Variants in TFDP2 observed in about 807,000 individuals in gnomAD.
TFDP2 encodes the protein transcription factor Dp-2 (E2F dimerization partner 2).
TFDP2 carries 17 observed loss-of-function variants against 59.3 expected under a neutral mutation model. That is an observed-to-expected ratio of 0.29 (90% CI 0.20 to 0.43). The LOEUF is 0.43. Ranked by LOEUF, TFDP2 falls within the 20% of genes least tolerant of loss-of-function variation. The pLI, the probability that TFDP2 is intolerant of heterozygous loss-of-function variation, is 1.00. For synonymous variants in TFDP2, 180 were observed against 194.7 expected (o/e 0.92, Z 0.63); for missense variants, 391 against 528.8 (o/e 0.74, Z 2.56).
In TFDP2 at chr3:141,952,540, A is replaced by C. The variant is rs1936039177; in HGVS notation, c.1314T>G (p.Asp438Glu). ...CSFNDEDEED[D>E]EEDSSSPE ...ATTCTGGGGAGGAGGAATCCTCCTC[A>C]TCATCTTCCTCATCTTCATCATTGA... is the stretch of plus-strand genomic sequence containing the variant. The change falls in exon 13 of 13, where the codon GAT (aspartate) becomes GAG (glutamate). Residue 438 changes from aspartate (D) to glutamate (E), a missense_variant. Physicochemically the swap from Asp to Glu is conservative, Grantham distance 45. This residue lies in a region of TFDP2 where 223 missense variants were observed against 292.5 expected (regional missense o/e 0.76). Coordinates refer to ENST00000489671, the MANE Select transcript of TFDP2 (RefSeq NM_001178139.2). 1.9e-6 allele frequency: 3 copies of C among 1,553,348 alleles called. No individual in the cohort carries two copies. The highest frequency in any genetic ancestry group is 1.4e-5 in the African/African-American group (1 of 71,386).
At chr3:142,136,077 T>G (rs1263106288) in intron 1 of TFDP2, among the ~76,000 whole-genome samples, 1 of 152,066 alleles carries the variant, frequency 6.6e-6, no homozygotes, top group Non-Finnish European at 1.5e-5. Context: ...GTTTCCTGAC[T>G]TTTTAATTAT....
chr3:142,023,684 T>C (rs902148136), intron 3 of TFDP2, among the ~76,000 whole-genome samples: 1 of 152,214 alleles, frequency 6.6e-6, no homozygotes, highest in Non-Finnish European at 1.5e-5. Context: ...CTCAACAATA[T>C]ATTCTACTTG....
chr3:142,084,792 C>G (rs2060755414), intron 3 of TFDP2, among the ~76,000 whole-genome samples: 2 of 151,508 alleles, frequency 1.3e-5, no homozygotes, highest in South Asian at 4.2e-4. Context: ...CACGTGGAGA[C>G]AGAAAATAAA....
At chr3:142,117,507 G>A (rs1028837351) in intron 1 of TFDP2, among the ~76,000 whole-genome samples, 14 of 152,022 alleles carry the variant, frequency 9.2e-5, no homozygotes, top group African/African-American at 2.7e-4. Context: ...GTGAAGGGAG[G>A]TGAAAAAGAC....
At chr3:142,055,847 A>C (rs2059720841) in intron 3 of TFDP2, among the ~76,000 whole-genome samples, 1 of 148,788 alleles carries the variant, frequency 6.7e-6, no homozygotes. Flanking sequence ...GAGATTCATG[A>C]TGACAATCAA....
intron 1 of TFDP2, among the ~76,000 whole-genome samples, chr3:142,103,839 T>C (rs1040729311): frequency 6.6e-6 from 1 of 152,096 alleles, no homozygotes; most frequent in African/African-American, 2.4e-5. Context: ...CTGCCTTATA[T>C]GTTAGAATTT....
chr3:142,103,391 G>A (rs2061375078), intron 1 of TFDP2, among the ~76,000 whole-genome samples: 1 of 151,812 alleles, frequency 6.6e-6, no homozygotes, highest in Non-Finnish European at 1.5e-5. Flanking sequence ...CTACAGACTG[G>A]ATAATAGTAT....
chr3:141,952,788 G>T (rs1351402616), intron 12 of TFDP2, 92 bp from the exon 13 acceptor site: 2 of 1,574,358 alleles, frequency 1.3e-6, no homozygotes, highest in African/African-American at 1.4e-5. Context: ...GGTGCCATTG[G>T]TGAGATCTGC....
At chr3:142,048,534 T>C (rs1947460714) in intron 3 of TFDP2, among the ~76,000 whole-genome samples, 1 of 152,184 alleles carries the variant, frequency 6.6e-6, no homozygotes. Context: ...AAGAAAGATA[T>C]AAATGCAGAG....
At chr3:142,007,601 A>G (rs115174990) in intron 3 of TFDP2, among the ~76,000 whole-genome samples, 10,582 of 152,226 alleles carry the variant, frequency 0.07, 473 homozygotes, top group Non-Finnish European at 0.11. Flanking sequence ...TATTATTATT[A>G]CACTGTAGTA....
Position 141,953,002 on chromosome 3 carries a change from G to A in TFDP2, c.1066C>T (p.Pro356Ser). The change falls in exon 12 of 13, where the codon CCT (proline) becomes TCT (serine). Residue 356 changes from proline to serine, a missense_variant. By Grantham distance (74) the Pro-to-Ser change is moderately conservative. Around this residue, in one of 3 missense-constraint regions of TFDP2, gnomAD observed 223 missense variants for 292.5 expected, o/e 0.76. Coordinates refer to ENST00000489671, the MANE Select transcript of TFDP2 (RefSeq NM_001178139.2). ...AGTAGTCCCTGATTTAACCAAGAAG[G>A]TCCTGTGGAGATATCTAAAGGAAAA... ...EGYITDISTGPSWLNQGLLLN... is the reference protein window; with the variant it reads ...EGYITDISTGSSWLNQGLLLN... 2.5e-6 allele frequency: 4 copies of A among 1,612,980 alleles called. No homozygotes were observed. The highest frequency in any genetic ancestry group is 3.4e-6 in the Non-Finnish European group (4 of 1,179,550).
At chr3:142,050,701 AAAAAAT>A (rs1947582364) in intron 3 of TFDP2, among the ~76,000 whole-genome samples, 1 of 152,118 alleles carries the variant, frequency 6.6e-6, no homozygotes, top group Non-Finnish European at 1.5e-5. Flanking sequence ...CTCTGTCTCA[AAAAAAT>A]AAAAATAAAA....
Position 141,963,903 on chromosome 3 carries a change from G to A in TFDP2, c.793C>T (p.Pro265Ser), listed in dbSNP as rs1295626867. ...NRQNEQQNQG[P>S]PALNSTIQLP... ...TGAATGGTAGAGTTCAGAGCCGGCG[G>A]GCCCTGGTTTTGCTGCTCATTTTGT... Residue 265 changes from proline to serine, a missense_variant, in exon 10 of 13, where the codon CCG becomes TCG. Physicochemically the swap from Pro to Ser is moderately conservative, Grantham distance 74 (BLOSUM62 -1). This residue lies in a region of TFDP2 where 223 missense variants were observed against 292.5 expected (regional missense o/e 0.76). Transcript: ENST00000489671. 6.2e-7 allele frequency: 1 copy of A among 1,613,410 alleles called. No individual in the cohort carries two copies. The highest frequency in any genetic ancestry group is 1.7e-5 in the Admixed American group (1 of 59,888).
chr3:142,084,103 C>T (rs2060729784), intron 3 of TFDP2, among the ~76,000 whole-genome samples: 1 of 152,072 alleles, frequency 6.6e-6, no homozygotes, highest in South Asian at 2.1e-4. Context: ...AAACTACCCA[C>T]CTGACAAGAG....
At chr3:142,005,392 A>T (rs1166005929) in intron 4 of TFDP2, 49 bp downstream of exon 4, 1 of 1,400,010 alleles carries the variant, frequency 7.1e-7, no homozygotes, top group South Asian at 1.2e-5. Flanking sequence ...TCTTTAAATT[A>T]GTCTTGGCTA....
At chr3:142,061,059 TACAGG>T (rs917002870) in intron 3 of TFDP2, among the ~76,000 whole-genome samples, 5 of 152,214 alleles carry the variant, frequency 3.3e-5, no homozygotes, top group African/African-American at 1.2e-4. Flanking sequence ...GGTACCATAT[TACAGG>T]ACACTAACAC....
At chr3:142,008,287 T>C (rs1944375572) in intron 3 of TFDP2, among the ~76,000 whole-genome samples, 1 of 151,922 alleles carries the variant, frequency 6.6e-6, no homozygotes, top group African/African-American at 2.4e-5. Context: ...AGCCACTCCA[T>C]GCATCTATAA....
At chr3:142,108,827 T>C (rs2061560161) in intron 1 of TFDP2, among the ~76,000 whole-genome samples, 1 of 152,198 alleles carries the variant, frequency 6.6e-6, no homozygotes, top group South Asian at 2.1e-4. Flanking sequence ...TTGGCTTCTG[T>C]AAGTTCAAAA....
chr3:142,062,394 A>AATATATAT (rs146504746), intron 3 of TFDP2, among the ~76,000 whole-genome samples: 1 of 141,198 alleles, frequency 7.1e-6, no homozygotes, highest in African/African-American at 2.7e-5. Flanking sequence ...TATATTATAT[A>AATATATAT]ATATATATGT....
Sources: gnomAD v4.1 joint callset for allele counts (sites outside exome capture counted in the v4.1 genomes callset) on GRCh38, gnomAD v4.1.1 for gene constraint, gnomAD v4.1.1 regional missense constraint, MANE v1.5 for transcripts, NCBI Gene and HGNC (gene_info 2026-07-23, HGNC 2026-07-21) for gene names.